GRID2: variants seen among roughly 807,000 people sequenced by gnomAD.
GRID2 encodes glutamate receptor ionotropic, delta-2.
In GRID2, 33 loss-of-function variants were observed where a neutral mutation model predicts 114.8. The ratio of observed to expected loss-of-function variants is 0.29; its 90% CI spans 0.22 to 0.38. The LOEUF (loss-of-function observed/expected upper bound fraction) is 0.38, where lower values mean the gene tolerates loss of function less well. Ranked by LOEUF, GRID2 falls within the 10% of genes least tolerant of loss-of-function variation. The pLI, the probability that GRID2 is intolerant of heterozygous loss-of-function variation, is 1.00. For synonymous variants in GRID2, 505 were observed against 449.9 expected, an observed-to-expected ratio of 1.12 and a Z score of -1.55; for missense variants, 1,184 against 1,257.7, an observed-to-expected ratio of 0.94 and a Z score of 0.89.
At chr4:92,945,016 T>A (rs975946601) in intron 2 of GRID2, among the ~76,000 whole-genome samples, 1 of 152,204 alleles carries the variant, frequency 6.6e-6, no homozygotes, top group Admixed American at 6.5e-5. Context: ...TTGTGTATAT[T>A]GATTCTTCAG....
intron 13 of GRID2, among the ~76,000 whole-genome samples, chr4:93,585,375 A>C (rs1451950152): frequency 2.6e-5 from 4 of 152,092 alleles, no homozygotes; most frequent in African/African-American, 9.7e-5. Flanking sequence ...TGCAGTTAGA[A>C]TTGTGTACGC....
chr4:92,394,017 G>A (rs1245998813), intron 1 of GRID2, among the ~76,000 whole-genome samples: 1 of 152,092 alleles, frequency 6.6e-6, no homozygotes, highest in Non-Finnish European at 1.5e-5. Flanking sequence ...TCAATTATTA[G>A]GAAGCTAAGC....
intron 2 of GRID2, among the ~76,000 whole-genome samples, chr4:92,739,250 A>G (rs1736753971): frequency 6.6e-6 from 1 of 152,184 alleles, no homozygotes; most frequent in Admixed American, 6.6e-5. Context: ...CTTTTGTGTC[A>G]TTTAAATAAT....
chr4:93,500,292 A>G (rs961620005), intron 12 of GRID2, among the ~76,000 whole-genome samples: 2 of 151,992 alleles, frequency 1.3e-5, no homozygotes, highest in Admixed American at 6.6e-5. Flanking sequence ...TGTTTAGTGT[A>G]AAGATTAAGT....
intron 13 of GRID2, among the ~76,000 whole-genome samples, chr4:93,537,097 G>T (rs1184097647): frequency 6.6e-6 from 1 of 151,564 alleles, no homozygotes; most frequent in Non-Finnish European, 1.5e-5. Flanking sequence ...CTGGCCATGA[G>T]ATTATGTATA....
chr4:93,279,602 A>C (rs1365473439), intron 8 of GRID2, among the ~76,000 whole-genome samples: 1 of 151,898 alleles, frequency 6.6e-6, no homozygotes, highest in East Asian at 1.9e-4. Context: ...CTACCCCTAC[A>C]TTTATATGTT....
intron 1 of GRID2, among the ~76,000 whole-genome samples, chr4:92,531,308 A>G (rs934652230): frequency 2.6e-5 from 4 of 152,120 alleles, no homozygotes; most frequent in African/African-American, 9.7e-5. Context: ...ACCACGAGAT[A>G]TTCAGGTATA....
At chr4:93,074,468 G>C (rs922599720) in intron 2 of GRID2, among the ~76,000 whole-genome samples, 1 of 152,070 alleles carries the variant, frequency 6.6e-6, no homozygotes, top group African/African-American at 2.4e-5. Flanking sequence ...TGAATAATAG[G>C]GGAAATTCAG....
At chr4:93,651,850 G>C (rs918780014) in intron 14 of GRID2, among the ~76,000 whole-genome samples, 2 of 152,060 alleles carry the variant, frequency 1.3e-5, no homozygotes, top group African/African-American at 4.8e-5. Flanking sequence ...CTATAGCTTT[G>C]AACTATACAC....
intron 1 of GRID2, among the ~76,000 whole-genome samples, chr4:92,309,029 A>G (rs1184027132): frequency 6.6e-6 from 1 of 152,100 alleles, no homozygotes; most frequent in Non-Finnish European, 1.5e-5. Context: ...CAACTATGAC[A>G]TGACTAATAA....
chr4:92,994,226 T>TA (rs1411635046), intron 2 of GRID2, among the ~76,000 whole-genome samples: 1 of 152,202 alleles, frequency 6.6e-6, no homozygotes, highest in African/African-American at 2.4e-5. Flanking sequence ...TAGGGCTACA[T>TA]AAATAGATTT....
At chr4:93,722,543 A>C (rs543038738) in intron 14 of GRID2, among the ~76,000 whole-genome samples, 3 of 152,338 alleles carry the variant, frequency 2.0e-5, no homozygotes, top group Admixed American at 6.5e-5. Flanking sequence ...CCCCCCAAAA[A>C]AGAAACTATC....
chr4:93,365,642 C>T (rs944465034), intron 8 of GRID2, among the ~76,000 whole-genome samples: 2 of 152,034 alleles, frequency 1.3e-5, no homozygotes, highest in Non-Finnish European at 2.9e-5. Flanking sequence ...ACTGAGAAGG[C>T]AGCAGGTAGT....
intron 1 of GRID2, among the ~76,000 whole-genome samples, chr4:92,458,385 C>T (rs1306528565): frequency 6.6e-6 from 1 of 152,048 alleles, no homozygotes; most frequent in Non-Finnish European, 1.5e-5. Context: ...ATATTTTCAT[C>T]CTCAGGAACC....
At chr4:93,055,482 C>T (rs543352102) in intron 2 of GRID2, among the ~76,000 whole-genome samples, 55 of 152,056 alleles carry the variant, frequency 3.6e-4, no homozygotes, top group Non-Finnish European at 7.2e-4. Flanking sequence ...AACTAACCTG[C>T]ACATTGTGCA....
intron 1 of GRID2, among the ~76,000 whole-genome samples, chr4:92,484,025 T>C (rs1722745658): frequency 6.6e-6 from 1 of 152,208 alleles, no homozygotes; most frequent in Non-Finnish European, 1.5e-5. Context: ...GTAAACTAAC[T>C]TGTAAAACTG....
chr4:93,077,495 A>G (rs1201117810), intron 2 of GRID2, among the ~76,000 whole-genome samples: 2 of 152,178 alleles, frequency 1.3e-5, no homozygotes, highest in Non-Finnish European at 2.9e-5. Flanking sequence ...CAAATCCAAG[A>G]AGTTTTATAA....
At chr4:93,404,099 G>A (rs1766177230) in intron 9 of GRID2, among the ~76,000 whole-genome samples, 1 of 152,110 alleles carries the variant, frequency 6.6e-6, no homozygotes, top group Non-Finnish European at 1.5e-5. Context: ...TTGAAAGCAT[G>A]CTAAGGGAAA....
chr4:92,362,976 G>T (rs544104784), intron 1 of GRID2, among the ~76,000 whole-genome samples: 35 of 151,722 alleles, frequency 2.3e-4, no homozygotes, highest in South Asian at 1.7e-3. Flanking sequence ...TCTAATACAA[G>T]ACTTCATATA....
Sources: allele counts gnomAD v4.1 joint callset (sites outside exome capture counted in the v4.1 genomes callset), GRCh38; gene constraint gnomAD v4.1.1; transcripts MANE v1.5; gene names NCBI Gene and HGNC (gene_info 2026-07-23, HGNC 2026-07-21).